Variants in NEDD4L observed in about 807,000 individuals in gnomAD.
NEDD4L encodes E3 ubiquitin-protein ligase NEDD4-like.
NEDD4L carries 54 observed loss-of-function variants against 148.9 expected under a neutral mutation model. The ratio of observed to expected loss-of-function variants is 0.36; its 90% CI spans 0.29 to 0.45. The LOEUF (loss-of-function observed/expected upper bound fraction) is 0.45. NEDD4L is among the 20% of genes least tolerant of loss of function. The probability of loss-of-function intolerance (pLI) is 1.00; values close to 1 mark genes in which losing one functional copy is unlikely to be tolerated. For synonymous variants in NEDD4L, 433 were observed against 440.7 expected, an observed-to-expected ratio of 0.98 and a Z score of 0.22; for missense variants, 856 against 1,233.8, an observed-to-expected ratio of 0.69 and a Z score of 4.59.
chr18:58,108,269 CA>C (rs1306458365), intron 1 of NEDD4L, among the ~76,000 whole-genome samples: 4 of 152,172 alleles, frequency 2.6e-5, no homozygotes, highest in African/African-American at 9.7e-5. Context: ...CAGTTCTTAT[CA>C]GGGGAGAGAT....
intron 1 of NEDD4L, among the ~76,000 whole-genome samples, chr18:58,082,103 T>TATATATATATATATATA (rs1491360930): frequency 9.3e-5 from 5 of 53,968 alleles, no homozygotes; most frequent in African/African-American, 6.3e-4. Context: ...TATATATATA[T>TATATATATATATATATA]TTTTTTTTTT....
intron 1 of NEDD4L, among the ~76,000 whole-genome samples, chr18:58,160,249 C>T (rs1185890520): frequency 5.3e-5 from 8 of 152,300 alleles, no homozygotes; most frequent in African/African-American, 1.2e-4. Context: ...TTCCAGATGA[C>T]GCTCTCGCAA....
chr18:58,327,669 G>A (rs1391698128), intron 9 of NEDD4L, among the ~76,000 whole-genome samples: 1 of 152,228 alleles, frequency 6.6e-6, no homozygotes, highest in African/African-American at 2.4e-5. Flanking sequence ...ATTTCAGAAT[G>A]TGTGAGAAAA....
In NEDD4L at chr18:58,241,585, G is replaced by A. The variant is rs750224580; in HGVS notation, c.123-3842G>A. 3.3e-5 allele frequency among the ~76,000 whole-genome samples: 5 copies of A among 150,514 alleles called. No individual in the cohort carries two copies. The East Asian group carries it at 9.6e-4, about 29-fold the overall frequency. The stretch of plus-strand genomic sequence containing the variant: ...CCTAGTGATTCTGACTAGCAGGTCT[G>A]GGGTGGGGCCAGGTACCCAGATTTG... On this transcript the variant is annotated intron_variant, in intron 2 of 30. Transcript: ENST00000400345.
At chr18:58,149,226 A>G (rs2034418031) in intron 1 of NEDD4L, 2 of 301,398 alleles carry the variant, frequency 6.6e-6, no homozygotes, top group Non-Finnish European at 1.2e-5. Context: ...ATTTCATTGC[A>G]TTTCCTGAAG....
intron 1 of NEDD4L, among the ~76,000 whole-genome samples, chr18:58,048,355 C>T (rs1466786300): frequency 6.6e-6 from 1 of 152,188 alleles, no homozygotes; most frequent in Non-Finnish European, 1.5e-5. Context: ...GATGCTGTCA[C>T]TTTTAAGATG....
At position 58,044,533 on chromosome 18, in the gene NEDD4L, A is replaced by ACCC. The variant is rs1460866608; in HGVS notation, c.-127_-125dup. 3 of 1,235,348 alleles carry ACCC rather than the reference A, an allele frequency of 2.4e-6. No individual in the cohort carries two copies. The highest frequency in any genetic ancestry group is 4.3e-5 in the Admixed American group (1 of 23,410). The allele number at this position is 1,235,348 out of a possible 1,614,324, so 76.5% of individuals were successfully genotyped here. ...CTCACCTGCCGGCGCCCGGCCGCTTACCCGGCAGGGCGTGCGCAGGGTAGG... is the reference window on the plus strand; with the variant it reads ...CTCACCTGCCGGCGCCCGGCCGCTTACCCCCCGGCAGGGCGTGCGCAGGGTAGG... On this transcript the variant is annotated 5_prime_UTR_variant, in exon 1 of 31. Transcript: ENST00000400345.
intron 1 of NEDD4L, among the ~76,000 whole-genome samples, chr18:58,128,462 C>T (rs2031527438): frequency 2.0e-5 from 3 of 152,202 alleles, no homozygotes; most frequent in Admixed American, 6.5e-5. Flanking sequence ...ATATCGTGGC[C>T]TCTGAGTCAA....
At chr18:58,052,315 GAAT>G (rs2081910805) in intron 1 of NEDD4L, among the ~76,000 whole-genome samples, 1 of 152,178 alleles carries the variant, frequency 6.6e-6, no homozygotes, top group East Asian at 1.9e-4. Flanking sequence ...CTTGTTTCAT[GAAT>G]AATAGAATCT....
In NEDD4L at chr18:58,366,123, A is replaced by T; in HGVS notation, c.1958A>T (p.Glu653Val). 2 of 1,613,734 alleles carry T rather than the reference A, an allele frequency of 1.2e-6. No homozygotes were observed. Among genetic ancestry groups the T allele is most frequent in the Non-Finnish European group, 8.5e-7 (1 of 1,179,780 alleles). ...AAAGCTAGACTGTGGATTGAGTTTGAATCAGAGAAAGGTCTTGACTATGGG... is the reference window on the plus strand; with the variant it reads ...AAAGCTAGACTGTGGATTGAGTTTGTATCAGAGAAAGGTCTTGACTATGGG... ...VLKARLWIEFESEKGLDYGGV... is the reference protein window; with the variant it reads ...VLKARLWIEFVSEKGLDYGGV... Residue 653 changes from glutamate to valine, a missense_variant, in exon 21 of 31, where the codon GAA (glutamate) becomes GTA (valine). By Grantham distance (121) the Glu-to-Val change is moderately radical. This residue lies in a region of NEDD4L where 286 missense variants were observed against 531.8 expected (regional missense o/e 0.54). Transcript: ENST00000400345. This position sits in a 1 kb window ranked among gnomAD's most constrained non-coding sequence, Gnocchi z 4.2.
intron 2 of NEDD4L, among the ~76,000 whole-genome samples, chr18:58,167,271 G>C (rs139228082): frequency 2.0e-5 from 3 of 152,204 alleles, no homozygotes; most frequent in African/African-American, 4.8e-5. Flanking sequence ...GGTTCACCAT[G>C]TGCCTGCACT....
At chr18:58,218,643 G>C (rs1357588840) in intron 2 of NEDD4L, among the ~76,000 whole-genome samples, 1 of 152,130 alleles carries the variant, frequency 6.6e-6, no homozygotes, top group South Asian at 2.1e-4. Context: ...GTCTTAAGAC[G>C]CCAGCAGCTT....
At chr18:58,305,961 C>G (rs1046810484) in intron 5 of NEDD4L, among the ~76,000 whole-genome samples, 1 of 152,088 alleles carries the variant, frequency 6.6e-6, no homozygotes, top group Non-Finnish European at 1.5e-5. Context: ...GATTCTGTTC[C>G]TTCATTATTT....
intron 1 of NEDD4L, among the ~76,000 whole-genome samples, chr18:58,087,792 T>A (rs2083839190): frequency 6.6e-6 from 1 of 152,336 alleles, no homozygotes; most frequent in Non-Finnish European, 1.5e-5. Context: ...GAGAATCTCT[T>A]GAACCTGGGA....
At chr18:58,108,306 T>C (rs2085201374) in intron 1 of NEDD4L, among the ~76,000 whole-genome samples, 1 of 152,248 alleles carries the variant, frequency 6.6e-6, no homozygotes, top group African/African-American at 2.4e-5. Context: ...TTCCTAAAAG[T>C]AGCTTTTAAC....
rs184111146 is a variant in NEDD4L at position 58,374,635 on chromosome 18, C to T, written c.2352+1366C>T. On this transcript the variant is annotated intron_variant, in intron 24 of 30. Coordinates refer to ENST00000400345, the MANE Select transcript of NEDD4L (RefSeq NM_001144967.3). ...TCCCCAGGACCGAGAGTACTGGTGT[C>T]TCCAGCCCTGTCTACCTCCTTCCTC... Among the ~76,000 whole-genome samples the T allele has an allele frequency of 1.1e-3, 172 of 152,130 alleles. 1 individual carries two copies. The highest frequency in any genetic ancestry group is 3.4e-3 in the Middle Eastern group (1 of 294).
intron 2 of NEDD4L, among the ~76,000 whole-genome samples, chr18:58,230,753 A>G (rs2148121860): frequency 6.6e-6 from 1 of 152,274 alleles, no homozygotes; most frequent in South Asian, 2.1e-4. Flanking sequence ...AACTCAGACA[A>G]GACTATTTTC....
chr18:58,330,067 C>T (rs181594572), intron 10 of NEDD4L, among the ~76,000 whole-genome samples: 1 of 152,094 alleles, frequency 6.6e-6, no homozygotes, highest in East Asian at 1.9e-4. Flanking sequence ...TTACTTAAAA[C>T]GTTATGAATT....
intron 5 of NEDD4L, among the ~76,000 whole-genome samples, chr18:58,269,198 A>G (rs1305856419): frequency 1.3e-5 from 2 of 152,008 alleles, no homozygotes; most frequent in Non-Finnish European, 1.5e-5. Context: ...AGGGAGGAAA[A>G]GTGGGAGGTA....
Sources: gnomAD v4.1 joint callset for allele counts (sites outside exome capture counted in the v4.1 genomes callset) on GRCh38, gnomAD v4.1.1 for gene constraint, gnomAD v4.1.1 regional missense constraint, Gnocchi (gnomAD v3.1) non-coding constraint, MANE v1.5 for transcripts, NCBI Gene and HGNC (gene_info 2026-07-23, HGNC 2026-07-21) for gene names.